BTRC: variants seen among roughly 807,000 people sequenced by gnomAD.
BTRC encodes the protein F-box/WD repeat-containing protein 1A.
A neutral mutation model predicts 85.5 loss-of-function variants in BTRC; 42 were observed. The ratio of observed to expected loss-of-function variants is 0.49; its 90% CI spans 0.38 to 0.64. The LOEUF (loss-of-function observed/expected upper bound fraction) is 0.64. Among genes scored for constraint, BTRC ranks in the 30% least tolerant of loss-of-function variants. The pLI is 0.00. For missense variants in BTRC, 594 were observed against 743.5 expected (o/e 0.80, Z 2.34); for synonymous variants, 255 against 263.3 (o/e 0.97, Z 0.30).
chr10:101,414,844 G>C (rs1014132203), intron 1 of BTRC, among the ~76,000 whole-genome samples: 4 of 151,406 alleles, frequency 2.6e-5, no homozygotes, highest in Non-Finnish European at 5.9e-5. Context: ...AAATATTTTT[G>C]TACTGCTGTA....
At chr10:101,497,653 C>T (rs981880724) in intron 4 of BTRC, among the ~76,000 whole-genome samples, 4 of 152,156 alleles carry the variant, frequency 2.6e-5, no homozygotes, top group African/African-American at 9.7e-5. Flanking sequence ...CTGCAGTGAA[C>T]CGTGATCATG....
At chr10:101,380,032 A>G (rs1419313721) in intron 1 of BTRC, among the ~76,000 whole-genome samples, 1 of 152,230 alleles carries the variant, frequency 6.6e-6, no homozygotes, top group Non-Finnish European at 1.5e-5. Context: ...TTTATAACTG[A>G]CAATACGAGA....
intron 1 of BTRC, among the ~76,000 whole-genome samples, chr10:101,406,677 G>A (rs1327210902): frequency 1.3e-5 from 2 of 151,874 alleles, no homozygotes; most frequent in East Asian, 3.9e-4. Context: ...GGAGTTACAG[G>A]CACGTGCCAT....
intron 2 of BTRC, among the ~76,000 whole-genome samples, chr10:101,461,763 T>C (rs1945231623): frequency 6.6e-6 from 1 of 152,208 alleles, no homozygotes. Flanking sequence ...ATACATGAAA[T>C]ACTTCCCATC....
At chr10:101,416,989 G>T (rs143693959) in intron 1 of BTRC, among the ~76,000 whole-genome samples, 1 of 144,406 alleles carries the variant, frequency 6.9e-6, no homozygotes, top group East Asian at 2.1e-4. Context: ...CTACAGAAGA[G>T]TTGTAAGTAA....
chr10:101,471,884 A>G (rs11191021), intron 3 of BTRC, among the ~76,000 whole-genome samples: 20,547 of 152,198 alleles, frequency 0.14, 1,730 homozygotes, highest in East Asian at 0.49. Context: ...ACAGATTATA[A>G]TATGTTAATA....
intron 4 of BTRC, among the ~76,000 whole-genome samples, chr10:101,506,242 C>T (rs1946538641): frequency 6.6e-6 from 1 of 152,142 alleles, no homozygotes; most frequent in Non-Finnish European, 1.5e-5. Context: ...AATTTTTTTA[C>T]CTTTCAAAAT....
rs41300239 is a variant in BTRC, at chr10:101,451,893, C to T, written c.157-10088C>T. Among the ~76,000 whole-genome samples the T allele has an allele frequency of 2.9e-3, 447 of 152,168 alleles. 1 individual carries two copies. Among genetic ancestry groups the T allele is most frequent in the Non-Finnish European group, 4.4e-3 (302 of 68,006 alleles). ...TCAGCTGTTGAGCAGCAGACACCAG[C>T]GAATAAAATCAGCCATTCATGTGAG... On this transcript the variant is annotated intron_variant, in intron 2 of 14. Transcript: ENST00000370187.
intron 3 of BTRC, among the ~76,000 whole-genome samples, chr10:101,475,459 G>A (rs969379028): frequency 5.3e-5 from 8 of 152,130 alleles, no homozygotes; most frequent in Non-Finnish European, 7.4e-5. Flanking sequence ...AGAATCACTC[G>A]AACCTGGGAG....
At chr10:101,532,569 CA>C in intron 8 of BTRC, 137 bp downstream of exon 8, 1 of 1,177,828 alleles carries the variant, frequency 8.5e-7, no homozygotes, top group Non-Finnish European at 1.1e-6. Flanking sequence ...GTCCCAAAGC[CA>C]AAATCATTTC....
intron 1 of BTRC, among the ~76,000 whole-genome samples, chr10:101,362,537 A>G (rs531286569): frequency 4.6e-5 from 7 of 152,138 alleles, no homozygotes; most frequent in African/African-American, 7.2e-5. Flanking sequence ...CTGGGATTAC[A>G]GGCATGCGGC....
At position 101,534,523 on chromosome 10, in the gene BTRC, C is replaced by T. The variant is rs561770063; in HGVS notation, c.1098-138C>T. 18 of 1,114,456 alleles carry T rather than the reference C, an allele frequency of 1.6e-5. No individual in the cohort carries two copies. The Admixed American group carries it at 3.1e-4, about 19-fold the overall frequency. 69.0% of individuals were successfully genotyped at this position (1,114,456 alleles called of 1,614,324 possible). A position where few individuals can be genotyped will look rare whatever the true frequency, so the allele number is the denominator to read the frequency against. The stretch of plus-strand genomic sequence containing the variant: ...GTATGTCTTAAGGACACACTGGCAG[C>T]ATCCCATCCCCTTCCTTCTCCCACT... On this transcript the variant is annotated intron_variant, in intron 9 of 14. Transcript: ENST00000370187.
chr10:101,534,056 AAT>A (rs1222518163), intron 9 of BTRC, among the ~76,000 whole-genome samples: 1 of 152,222 alleles, frequency 6.6e-6, no homozygotes. Flanking sequence ...GAATAATCAA[AAT>A]ATATAATCAC....
rs757252274 is a variant in BTRC at position 101,550,848 on chromosome 10, C to A, written c.1806C>A (p.Tyr602Ter). The A allele has an allele frequency of 2.5e-6, 4 of 1,613,768 alleles. No individual in the cohort carries two copies. Among genetic ancestry groups the A allele is most frequent in the African/African-American group, 1.3e-5 (1 of 75,034 alleles). Residue 602 changes from tyrosine to a stop codon, truncating the protein, a stop_gained, in exon 14 of 15, where the codon TAC becomes TAA. Transcript: ENST00000370187. LOFTEE classifies it high-confidence loss of function. ...GTTCCCCTTCTCGAACATACACCTA[C>A]ATCTCCAGATAAATAACCATACACT... ...PPRSPSRTYTYISR is the reference protein window; with the variant it reads ...PPRSPSRTYT
Position 101,456,018 on chromosome 10 carries a change from A to ACACACACACACACACACACAC in BTRC, c.157-5963_157-5962insCACACACACACACACACACAC, listed in dbSNP as rs60361192. On this transcript the variant is annotated intron_variant, in intron 2 of 14. Transcript: ENST00000370187. Reference sequence around the variant, plus strand: ...CACACACACACACACACACACACACAAAATTAGCTGGGCATGGTGGCGCAT... The same window carrying ACACACACACACACACACACAC: ...CACACACACACACACACACACACACACACACACACACACACACACACAAATTAGCTGGGCATGGTGGCGCAT... 8.1e-4 allele frequency among the ~76,000 whole-genome samples: 121 copies of ACACACACACACACACACACAC among 150,046 alleles called. 1 individual carries two copies. Among genetic ancestry groups the ACACACACACACACACACACAC allele is most frequent in the South Asian group, 1.1e-3 (5 of 4,700 alleles).
rs1182158117 is a variant in BTRC at position 101,550,780 on chromosome 10, T to G, written c.1738T>G (p.Trp580Gly). The G allele has an allele frequency of 1.2e-6, 2 of 1,614,124 alleles. No individual in the cohort carries two copies. Among genetic ancestry groups the G allele is most frequent in the Non-Finnish European group, 1.7e-6 (2 of 1,179,986 alleles). Residue 580 changes from tryptophan (W) to glycine (G), a missense_variant, in exon 14 of 15, where the codon TGG (tryptophan) becomes GGG (glycine). Around this residue, in one of 4 missense-constraint regions of BTRC, gnomAD observed 56 missense variants for 39.6 expected, o/e 1.41. Transcript: ENST00000370187. ...SSSHDDTILI[W>G]DFLNDPAAQA... is the part of the protein sequence containing the mutation. ...TTCACATGATGACACAATCCTCATCTGGGACTTCCTAAATGATCCAGCTGC... is the reference window on the plus strand; with the variant it reads ...TTCACATGATGACACAATCCTCATCGGGGACTTCCTAAATGATCCAGCTGC...
At chr10:101,400,854 T>C (rs1361672968) in intron 1 of BTRC, among the ~76,000 whole-genome samples, 1 of 152,206 alleles carries the variant, frequency 6.6e-6, no homozygotes, top group East Asian at 1.9e-4. Context: ...CCAAGCTTTT[T>C]CTTTTTTCAT....
At chr10:101,398,250 T>C (rs1189467939) in intron 1 of BTRC, among the ~76,000 whole-genome samples, 1 of 152,208 alleles carries the variant, frequency 6.6e-6, no homozygotes, top group Non-Finnish European at 1.5e-5. Flanking sequence ...GCTATAAATA[T>C]CCATAAAATT....
chr10:101,520,244 A>C (rs1324412829), intron 4 of BTRC, among the ~76,000 whole-genome samples: 6 of 151,888 alleles, frequency 4.0e-5, no homozygotes, highest in African/African-American at 1.2e-4. Context: ...CCTGGGTTCA[A>C]GCGATTCTCC....
Sources: gnomAD v4.1 joint callset for allele counts (sites outside exome capture counted in the v4.1 genomes callset) on GRCh38, gnomAD v4.1.1 for gene constraint, gnomAD v4.1.1 regional missense constraint, MANE v1.5 for transcripts, NCBI Gene and HGNC (gene_info 2026-07-23, HGNC 2026-07-21) for gene names.